The following TMPRSS12 variants were observed in gnomAD, a reference collection of about 807,000 sequenced individuals.
The protein encoded by TMPRSS12 is transmembrane protease serine 12.
A neutral mutation model predicts 26.0 loss-of-function variants in TMPRSS12; 25 were observed. The ratio of observed to expected loss-of-function variants is 0.96; its 90% CI spans 0.70 to 1.34. The LOEUF is 1.34. Ranked by LOEUF, TMPRSS12 falls within the 40% of genes most tolerant of loss-of-function variation. The probability of loss-of-function intolerance (pLI) is 0.00; values close to 1 mark genes in which losing one functional copy is unlikely to be tolerated. For missense variants in TMPRSS12, 441 were observed against 440.1 expected (o/e 1.00, Z -0.02); for synonymous variants, 150 against 161.7 (o/e 0.93, Z 0.55).
chr12:50,856,446 A>G (rs1937878294), intron 2 of TMPRSS12, among the ~76,000 whole-genome samples: 1 of 152,182 alleles, frequency 6.6e-6, no homozygotes, highest in South Asian at 2.1e-4. Context: ...CAAAGCAAGA[A>G]TGGCCAAATA....
At chr12:50,865,952 G>T (rs1053260287) in intron 3 of TMPRSS12, among the ~76,000 whole-genome samples, 2 of 152,164 alleles carry the variant, frequency 1.3e-5, no homozygotes, top group African/African-American at 4.8e-5. Flanking sequence ...TATCATGGCA[G>T]ATGGGAGGCA....
chr12:50,857,807 TCG>T (rs1937894344), intron 2 of TMPRSS12, among the ~76,000 whole-genome samples: 1 of 144,940 alleles, frequency 6.9e-6, no homozygotes, highest in Non-Finnish European at 1.5e-5. Context: ...GTTGTTGTTG[TCG>T]TTGTTGTCGT....
chr12:50,868,227 C>G (rs1938009793), intron 3 of TMPRSS12, among the ~76,000 whole-genome samples: 1 of 152,110 alleles, frequency 6.6e-6, no homozygotes, highest in Non-Finnish European at 1.5e-5. Flanking sequence ...ACTCACCAAC[C>G]AACTATCTGC....
intron 3 of TMPRSS12, among the ~76,000 whole-genome samples, chr12:50,879,680 T>C (rs1254165677): frequency 1.3e-5 from 2 of 152,170 alleles, no homozygotes; most frequent in African/African-American, 4.8e-5. Context: ...GAAAAATTTG[T>C]TTTAAGGCCA....
chr12:50,846,242 A>T (rs539436281), intron 2 of TMPRSS12, among the ~76,000 whole-genome samples: 1 of 151,880 alleles, frequency 6.6e-6, no homozygotes, highest in Admixed American at 6.6e-5. Context: ...CTTTTCCCCT[A>T]TGTTTTCTTC....
chr12:50,858,737 C>T, intron 2 of TMPRSS12, 48 bp from the exon 3 acceptor site: 1 of 1,366,534 alleles, frequency 7.3e-7, no homozygotes, highest in South Asian at 1.7e-5. Flanking sequence ...AGAATATGTA[C>T]TTAGTTAATT....
At chr12:50,886,064 G>A (rs1938223491) in intron 4 of TMPRSS12, 1 of 152,044 alleles carries the variant, frequency 6.6e-6, no homozygotes, top group Non-Finnish European at 1.5e-5. Context: ...ATGATGTTGA[G>A]CATTTTTGCA....
At chr12:50,856,233 T>C (rs1358791006) in intron 2 of TMPRSS12, among the ~76,000 whole-genome samples, 1 of 152,132 alleles carries the variant, frequency 6.6e-6, no homozygotes, top group Non-Finnish European at 1.5e-5. Flanking sequence ...TAAAAGTGTT[T>C]GGCACCTCCC....
intron 3 of TMPRSS12, among the ~76,000 whole-genome samples, chr12:50,872,386 G>A (rs6580772): frequency 0.23 from 34,434 of 148,082 alleles, 4,157 homozygotes; most frequent in East Asian, 0.41. Flanking sequence ...GGTGGCGGGC[G>A]CCTGTAGTCC....
chr12:50,858,700 CATG>C, intron 2 of TMPRSS12, 82 bp from the exon 3 acceptor site: 1 of 1,081,622 alleles, frequency 9.2e-7, no homozygotes, highest in Non-Finnish European at 1.2e-6. Context: ...ATTAATCTAA[CATG>C]AGAAGAAAAC....
chr12:50,871,277 C>T (rs1344138001), intron 3 of TMPRSS12, among the ~76,000 whole-genome samples: 2 of 152,080 alleles, frequency 1.3e-5, no homozygotes, highest in Non-Finnish European at 2.9e-5. Context: ...GAATAGAGAA[C>T]CCAGAAATAA....
intron 2 of TMPRSS12, chr12:50,848,271 G>A (rs1388342861): frequency 6.6e-6 from 1 of 151,828 alleles, no homozygotes. Context: ...TTTCACATTG[G>A]TAGATATCTT....
chr12:50,873,824 C>A (rs775538398), intron 3 of TMPRSS12, among the ~76,000 whole-genome samples: 1 of 152,044 alleles, frequency 6.6e-6, no homozygotes, highest in Admixed American at 6.6e-5. Flanking sequence ...AAGACAGAAA[C>A]CTTAAAATCA....
intron 2 of TMPRSS12, among the ~76,000 whole-genome samples, chr12:50,850,941 G>A (rs1035115155): frequency 1.3e-5 from 2 of 149,742 alleles, no homozygotes; most frequent in African/African-American, 5.1e-5. Context: ...GGCATGCTGA[G>A]CTGAGTCTTG....
intron 2 of TMPRSS12, among the ~76,000 whole-genome samples, chr12:50,851,920 C>T (rs1331634628): frequency 1.3e-5 from 2 of 152,214 alleles, no homozygotes; most frequent in Admixed American, 6.5e-5. Context: ...AAATTAATTC[C>T]AACCAAGAAT....
chr12:50,885,677 A>C, intron 4 of TMPRSS12: 1 of 584,506 alleles, frequency 1.7e-6, no homozygotes, highest in Non-Finnish European at 3.0e-6. Context: ...TTTTTATTTG[A>C]GATAGTCTCG....
intron 2 of TMPRSS12, among the ~76,000 whole-genome samples, chr12:50,847,770 G>A (rs1264243394): frequency 6.6e-6 from 1 of 152,032 alleles, no homozygotes; most frequent in African/African-American, 2.4e-5. Context: ...GGTGGTGGGT[G>A]CCTGTGATCC....
At chr12:50,883,867 TG>T (rs1938198329) in intron 3 of TMPRSS12, among the ~76,000 whole-genome samples, 1 of 152,054 alleles carries the variant, frequency 6.6e-6, no homozygotes, top group African/African-American at 2.4e-5. Flanking sequence ...CTGGGCATGA[TG>T]GCACATGCCC....
intron 3 of TMPRSS12, 150 bp downstream of exon 3, chr12:50,859,203 C>T (rs1053526961): frequency 1.3e-5 from 10 of 776,322 alleles, no homozygotes; most frequent in Middle Eastern, 2.5e-4. Flanking sequence ...ATTATTTTTC[C>T]GTATTTTTAT....
Sources: allele counts gnomAD v4.1 joint callset (sites outside exome capture counted in the v4.1 genomes callset), GRCh38; gene constraint gnomAD v4.1.1; transcripts MANE v1.5; gene names NCBI Gene and HGNC (gene_info 2026-07-23, HGNC 2026-07-21).